SMPX: variants seen among roughly 807,000 people sequenced by gnomAD.
SMPX encodes small muscular protein.
A neutral mutation model predicts 6.3 loss-of-function variants in SMPX; 2 were observed. The ratio of observed to expected loss-of-function variants is 0.32; its 90% CI spans 0.13 to 0.99. The LOEUF is 0.99. Ranked by LOEUF, SMPX falls within the 50% of genes least tolerant of loss-of-function variation. SMPX has a pLI of 0.49. For missense variants in SMPX, 60 were observed against 66.8 expected (o/e 0.90, Z 0.36); for synonymous variants, 32 against 24.7 (o/e 1.30, Z -0.88).
intron 2 of SMPX, among the ~76,000 whole-genome samples, chrX:21,749,080 G>A (rs2092824580): frequency 1.8e-5 from 2 of 112,335 alleles, no homozygotes; most frequent in South Asian, 7.4e-4. Context: ...GTGGGGAAGG[G>A]AAAGAAGTAC....
chrX:21,720,188 T>G (rs913938015), intron 4 of SMPX, among the ~76,000 whole-genome samples: 11 of 112,628 alleles, frequency 9.8e-5, no homozygotes, highest in African/African-American at 3.6e-4. Context: ...ATTCCAAGGC[T>G]AGGCCATAAA....
intron 4 of SMPX, chrX:21,727,164 T>G (rs1205127519): frequency 2.7e-5 from 3 of 112,602 alleles, no homozygotes; most frequent in African/African-American, 9.7e-5. Flanking sequence ...ACTTTAATCC[T>G]TCCCACTCAA....
chrX:21,725,766 C>T (rs1245287579), intron 4 of SMPX, among the ~76,000 whole-genome samples: 1 of 112,060 alleles, frequency 8.9e-6, no homozygotes, highest in African/African-American at 3.2e-5. Context: ...AAGAGATCCT[C>T]CCAGATGTTT....
At chrX:21,719,515 CA>C (rs371629683) in intron 4 of SMPX, among the ~76,000 whole-genome samples, 77 of 81,311 alleles carry the variant, frequency 9.5e-4, no homozygotes, top group South Asian at 1.1e-3. Flanking sequence ...GAGATTCCAT[CA>C]AAAAAAAAAA....
At chrX:21,754,140 T>G in intron 2 of SMPX, 106 bp downstream of exon 2, 1 of 717,929 alleles carries the variant, frequency 1.4e-6, no homozygotes, top group Non-Finnish European at 2.2e-6. Flanking sequence ...ACAAATCTTA[T>G]GAAGAACTTA....
intron 4 of SMPX, among the ~76,000 whole-genome samples, chrX:21,713,082 A>G (rs1364004258): frequency 8.9e-6 from 1 of 112,841 alleles, no homozygotes; most frequent in Non-Finnish European, 1.9e-5. Flanking sequence ...TTTCACAGTC[A>G]CAATGATGGT....
At chrX:21,755,276 G>A (rs1168856089) in intron 1 of SMPX, among the ~76,000 whole-genome samples, 1 of 112,714 alleles carries the variant, frequency 8.9e-6, no homozygotes, top group African/African-American at 3.2e-5. Context: ...TGTACAACAG[G>A]TTGATTGAGG....
intron 4 of SMPX, among the ~76,000 whole-genome samples, chrX:21,718,459 A>G (rs2092787808): frequency 8.9e-6 from 1 of 111,978 alleles, no homozygotes; most frequent in Non-Finnish European, 1.9e-5. Flanking sequence ...GGCTGAGGAA[A>G]ATTCCCACAG....
chrX:21,745,676 C>T (rs1339217684), intron 2 of SMPX, among the ~76,000 whole-genome samples: 2 of 111,573 alleles, frequency 1.8e-5, no homozygotes, highest in East Asian at 5.6e-4. Flanking sequence ...AATCAATATA[C>T]GGACTATTTG....
chrX:21,721,450 A>C (rs1426449596), intron 4 of SMPX, among the ~76,000 whole-genome samples: 1 of 112,393 alleles, frequency 8.9e-6, no homozygotes, highest in Non-Finnish European at 1.9e-5. Context: ...CCACCGTTGA[A>C]TACTTTCATC....
chrX:21,724,671 G>A (rs1197953721), intron 4 of SMPX, among the ~76,000 whole-genome samples: 1 of 111,866 alleles, frequency 8.9e-6, no homozygotes, highest in Admixed American at 9.5e-5. Context: ...CTGATTGAAA[G>A]GGATTACACC....
chrX:21,748,785 T>C (rs1345738664), intron 2 of SMPX, among the ~76,000 whole-genome samples: 1 of 112,595 alleles, frequency 8.9e-6, no homozygotes, highest in Non-Finnish European at 1.9e-5. Context: ...GAAAGTTAAT[T>C]TTTAATGTTT....
intron 2 of SMPX, among the ~76,000 whole-genome samples, chrX:21,749,214 A>G (rs1196529548): frequency 8.9e-6 from 1 of 112,484 alleles, no homozygotes; most frequent in South Asian, 3.6e-4. Flanking sequence ...TTTCAAATGT[A>G]TGATAAGTTA....
intron 2 of SMPX, among the ~76,000 whole-genome samples, chrX:21,747,153 G>T (rs1312270815): frequency 1.8e-5 from 2 of 111,520 alleles, no homozygotes; most frequent in African/African-American, 6.5e-5. Context: ...TTGATATTAG[G>T]ATAGGCTTCC....
chrX:21,709,014 T>C lies in SMPX; in HGVS notation c.*15-2620A>G, dbSNP rs2092775797. 2.7e-5 allele frequency among the ~76,000 whole-genome samples: 3 copies of C among 112,789 alleles called. No individual in the cohort carries two copies. The Admixed American group carries it at 2.8e-4, about 11-fold the overall frequency. On this transcript the variant is annotated intron_variant, in intron 4 of 4. Coordinates refer to ENST00000379494, the MANE Select transcript of SMPX (RefSeq NM_014332.3). ...TTCCTTCTTATTCCAGGATAAAAAT[T>C]CCAGTGTGTGTGTTACCACATTTTC...
chrX:21,744,799 T>C (rs1359284365), intron 2 of SMPX, among the ~76,000 whole-genome samples: 1 of 112,478 alleles, frequency 8.9e-6, no homozygotes, highest in African/African-American at 3.2e-5. Context: ...TTTGATGTTA[T>C]GCATGTAAAT....
At chrX:21,708,142 T>C (rs1453984130) in intron 4 of SMPX, among the ~76,000 whole-genome samples, 1 of 112,544 alleles carries the variant, frequency 8.9e-6, no homozygotes, top group African/African-American at 3.2e-5. Flanking sequence ...TTCTTAAAAA[T>C]GGAATGCTCA....
At chrX:21,731,079 G>A (rs904114022) in intron 4 of SMPX, among the ~76,000 whole-genome samples, 32 of 110,174 alleles carry the variant, frequency 2.9e-4, no homozygotes, top group Non-Finnish European at 3.0e-4. Flanking sequence ...GTTTTCATTC[G>A]CCTCAAAGTA....
At position 21,757,987 on chromosome X, in the gene SMPX, C is replaced by T. The variant is rs773954874; in HGVS notation, c.-58G>A. On this transcript the variant is annotated 5_prime_UTR_variant, in exon 1 of 5. An upstream open reading frame in the 5' UTR gains an earlier in-frame stop. Coordinates refer to ENST00000379494, the MANE Select transcript of SMPX (RefSeq NM_014332.3). ...CTGCCTAAGGGAAGTCCCAGGCAGC[C>T]AGATGCAAGAATACAAAGCTCCTTG... The T allele has an allele frequency of 2.1e-4, 70 of 327,513 alleles. No homozygotes were observed. Among genetic ancestry groups the T allele is most frequent in the South Asian group, 1.8e-3 (70 of 38,304 alleles). 27.0% of individuals were successfully genotyped at this position (327,513 alleles called of 1,213,427 possible).
Sources: allele counts gnomAD v4.1 joint callset (sites outside exome capture counted in the v4.1 genomes callset), GRCh38; gene constraint gnomAD v4.1.1; transcripts MANE v1.5; gene names NCBI Gene and HGNC (gene_info 2026-07-23, HGNC 2026-07-21).